SUCO: variants seen among roughly 807,000 people sequenced by gnomAD.
SUCO encodes the protein SUN domain containing ossification factor.
In SUCO, 57 loss-of-function variants were observed where a neutral mutation model predicts 148.1. The ratio of observed to expected loss-of-function variants is 0.38; its 90% CI spans 0.31 to 0.48. SUCO has a LOEUF of 0.48. SUCO is among the 20% of genes least tolerant of loss of function. SUCO has a pLI of 0.96. For synonymous variants in SUCO, 470 were observed against 502.7 expected (o/e 0.93, Z 0.87); for missense variants, 1,331 against 1,468.2 (o/e 0.91, Z 1.53).
chr1:172,566,193 G>T lies in SUCO; in HGVS notation c.733-2826G>T, dbSNP rs1332192408. Reference sequence around the variant, plus strand: ...TCAAAAGAGCTTTTGATTAGTGTTAGAGCTCAGGTTTTACAGCTCTGCTTA... The same window carrying T: ...TCAAAAGAGCTTTTGATTAGTGTTATAGCTCAGGTTTTACAGCTCTGCTTA... On this transcript the variant is annotated intron_variant, in intron 6 of 23. Coordinates refer to ENST00000263688, the MANE Select transcript of SUCO (RefSeq NM_014283.5). Among the ~76,000 whole-genome samples the T allele has an allele frequency of 2.0e-5, 3 of 152,212 alleles. No homozygotes were observed. In the East Asian group the frequency reaches 5.8e-4, roughly 29 times the overall value.
intron 9 of SUCO, among the ~76,000 whole-genome samples, chr1:172,573,403 C>T (rs1465984872): frequency 6.6e-6 from 1 of 151,746 alleles, no homozygotes; most frequent in Non-Finnish European, 1.5e-5. Context: ...AACTTGATTT[C>T]CCCCCCTGCC....
At chr1:172,534,444 GC>G (rs1651863806) in intron 1 of SUCO, among the ~76,000 whole-genome samples, 1 of 152,174 alleles carries the variant, frequency 6.6e-6, no homozygotes, top group Non-Finnish European at 1.5e-5. Context: ...TTTCTGCAAA[GC>G]ACCAACACTA....
Position 172,555,290 on chromosome 1 carries a change from G to A in SUCO, c.289-579G>A, listed in dbSNP as rs1181596866. ...TAGGGGAAAGGGAGTAGTTAATTCTGTTTAGGGTTGATCTTGGAGGAGGAG... is the reference window on the plus strand; with the variant it reads ...TAGGGGAAAGGGAGTAGTTAATTCTATTTAGGGTTGATCTTGGAGGAGGAG... On this transcript the variant is annotated intron_variant, in intron 3 of 23. Transcript: ENST00000263688. 8.4e-6 allele frequency: 5 copies of A among 592,502 alleles called. No homozygotes were observed. In the South Asian group the frequency reaches 3.7e-4, roughly 44 times the overall value. 36.7% of individuals were successfully genotyped at this position (592,502 alleles called of 1,614,324 possible).
intron 1 of SUCO, chr1:172,541,765 C>A: frequency 1.7e-6 from 1 of 595,774 alleles, no homozygotes; most frequent in African/African-American, 2.0e-5. Context: ...GTATCCTATA[C>A]AGGATTCTGG....
At chr1:172,549,736 T>A (rs1653134326) in intron 1 of SUCO, among the ~76,000 whole-genome samples, 1 of 151,960 alleles carries the variant, frequency 6.6e-6, no homozygotes, top group South Asian at 2.1e-4. Context: ...AATTGATTTC[T>A]CTTTTACCCT....
In SUCO at chr1:172,561,367, G is replaced by C. The variant is rs1654139400; in HGVS notation, c.732+3573G>C. 3.9e-5 allele frequency among the ~76,000 whole-genome samples: 6 copies of C among 152,250 alleles called. No homozygotes were observed. The South Asian group carries it at 1.2e-3, about 32-fold the overall frequency. On this transcript the variant is annotated intron_variant, in intron 6 of 23. Transcript: ENST00000263688. Reference sequence around the variant, plus strand: ...TGCTGTGGTTAGTTAGGAGGTCTGTGGGGGATGTTTGTGAGATTTTTTGGA... The same window carrying C: ...TGCTGTGGTTAGTTAGGAGGTCTGTCGGGGATGTTTGTGAGATTTTTTGGA...
At chr1:172,599,323 C>G in intron 19 of SUCO, 4 of 315,554 alleles carry the variant, frequency 1.3e-5, no homozygotes, top group Non-Finnish European at 1.8e-5. Flanking sequence ...AGCGAGACTC[C>G]GTCTCAAAAA....
intron 22 of SUCO, 176 bp from the exon 23 acceptor site, chr1:172,608,571 T>C: frequency 1.6e-6 from 1 of 618,424 alleles, no homozygotes; most frequent in Non-Finnish European, 2.9e-6. Context: ...CTTGCCTCTT[T>C]TTGCTTACTA....
Position 172,578,348 on chromosome 1 carries a change from A to C in SUCO, c.1391A>C (p.Gln464Pro). ...GAATATGAAGAAATTGCTGATTCCC[A>C]GTATCACTCAGAACGCCAGGAACTA... ...VEEYEEIADS[Q>P]YHSERQELFD... is the part of the protein sequence containing the mutation. Residue 464 changes from glutamine to proline, a missense_variant, in exon 14 of 24, where the codon CAG becomes CCG. Physicochemically the swap from Gln to Pro is moderately conservative, Grantham distance 76. Coordinates refer to ENST00000263688, the MANE Select transcript of SUCO (RefSeq NM_014283.5). 1 of 1,612,794 alleles carries C rather than the reference A, an allele frequency of 6.2e-7. No individual in the cohort carries two copies.
intron 11 of SUCO, among the ~76,000 whole-genome samples, chr1:172,576,456 T>C (rs1410380614): frequency 6.6e-6 from 1 of 151,696 alleles, no homozygotes; most frequent in Admixed American, 6.6e-5. Context: ...AATCTCAGTA[T>C]AAAAATGCTA....
At chr1:172,585,636 TG>T (rs1488570329) in intron 16 of SUCO, among the ~76,000 whole-genome samples, 6 of 152,212 alleles carry the variant, frequency 3.9e-5, no homozygotes, top group African/African-American at 1.4e-4. Flanking sequence ...CATAGTCACC[TG>T]ACTTGATTTA....
chr1:172,535,448 G>C (rs1651935783), intron 1 of SUCO, among the ~76,000 whole-genome samples: 1 of 152,194 alleles, frequency 6.6e-6, no homozygotes, highest in African/African-American at 2.4e-5. Context: ...TTGGGGAAGA[G>C]GAGTGGTACC....
chr1:172,578,408 A>G lies in SUCO; in HGVS notation c.1432+19A>G. On this transcript the variant is annotated intron_variant, in intron 14 of 23. Transcript: ENST00000263688. ...GACTATGGTAAGTGACATCAAACAG[A>G]TGACTGTTAGGTATATTTTTTTTAC... 1.3e-6 allele frequency: 2 copies of G among 1,594,078 alleles called. No homozygotes were observed. The highest frequency in any genetic ancestry group is 1.7e-5 in the Admixed American group (1 of 59,796).
At chr1:172,560,385 C>G (rs1309409898) in intron 6 of SUCO, among the ~76,000 whole-genome samples, 1 of 152,146 alleles carries the variant, frequency 6.6e-6, no homozygotes, top group Non-Finnish European at 1.5e-5. Context: ...TGGAGTTGTT[C>G]ATATAGGTGC....
intron 17 of SUCO, among the ~76,000 whole-genome samples, chr1:172,587,315 T>TA (rs1656315403): frequency 1.3e-5 from 2 of 152,108 alleles, no homozygotes; most frequent in South Asian, 4.1e-4. Context: ...ATGTCACTGT[T>TA]AAAGTTACGG....
intron 19 of SUCO, among the ~76,000 whole-genome samples, chr1:172,597,594 G>A (rs913271571): frequency 4.0e-5 from 6 of 150,578 alleles, no homozygotes; most frequent in East Asian, 1.9e-4. Flanking sequence ...CTTTTTGATC[G>A]TCATACCTTT....
intron 18 of SUCO, chr1:172,590,393 G>C: frequency 2.0e-6 from 2 of 982,690 alleles, no homozygotes; most frequent in Non-Finnish European, 2.4e-6. Flanking sequence ...CTTTTAAACA[G>C]GTCTCGGCAT....
At chr1:172,595,475 G>T (rs1344484709) in intron 19 of SUCO, among the ~76,000 whole-genome samples, 1 of 152,150 alleles carries the variant, frequency 6.6e-6, no homozygotes, top group Non-Finnish European at 1.5e-5. Context: ...GGCAGGCCTG[G>T]TGGTGACAAA....
rs1388242352 is a variant in SUCO at position 172,585,921 on chromosome 1, C to G, written c.1631C>G (p.Pro544Arg). 1 of 1,609,970 alleles carries G rather than the reference C, an allele frequency of 6.2e-7. No homozygotes were observed. Among genetic ancestry groups the G allele is most frequent in the African/African-American group, 1.3e-5 (1 of 74,734 alleles). Residue 544 changes from proline to arginine, a missense_variant, in exon 17 of 24, where the codon CCT (proline) becomes CGT (arginine). Pro to Arg is a moderately radical substitution (Grantham distance 103). Around this residue, in one of 3 missense-constraint regions of SUCO, gnomAD observed 992 missense variants for 1,093.5 expected, o/e 0.91. Transcript: ENST00000263688. The part of the protein sequence containing the change: ...TAAPKMPEST[P>R]VSTPVPSPEY... ...GCACCTAAAATGCCTGAATCAACTC[C>G]TGTTTCAACTCCTGTTCCATCTCCT... is the stretch of plus-strand genomic sequence containing the variant.
Sources: allele counts gnomAD v4.1 joint callset (sites outside exome capture counted in the v4.1 genomes callset), GRCh38; gene constraint gnomAD v4.1.1; regional missense constraint gnomAD v4.1.1; transcripts MANE v1.5; gene names NCBI Gene and HGNC (gene_info 2026-07-23, HGNC 2026-07-21).